Variants in CTNNBL1 observed in about 807,000 individuals in gnomAD.
CTNNBL1 encodes the protein catenin beta like 1.
A neutral mutation model predicts 72.7 loss-of-function variants in CTNNBL1; 31 were observed. The observed-to-expected ratio is 0.43, with a 90% CI of 0.32 to 0.58. CTNNBL1 has a LOEUF of 0.58. Ranked by LOEUF, CTNNBL1 falls within the 20% of genes least tolerant of loss-of-function variation. The probability of loss-of-function intolerance (pLI) is 0.08; values close to 1 mark genes in which losing one functional copy is unlikely to be tolerated. For synonymous variants in CTNNBL1, 240 were observed against 267.3 expected (o/e 0.90, Z 1.00); for missense variants, 534 against 725.1 (o/e 0.74, Z 3.03).
In CTNNBL1 at chr20:37,730,544, G is replaced by T. The variant is rs6126002; in HGVS notation, c.31-2335G>T. Among the ~76,000 whole-genome samples the T allele has an allele frequency of 2.8e-3, 430 of 152,312 alleles. 5 individuals are homozygous for T. Among genetic ancestry groups the T allele is most frequent in the East Asian group, 0.017 (89 of 5,182 alleles). On this transcript the variant is annotated intron_variant, in intron 1 of 15. Transcript: ENST00000361383. ...CAAAGTTGAACCAGGAGTAAGTTGA[G>T]CTGAATGGAGACACTGGGCTGTTTG... is the stretch of plus-strand genomic sequence containing the variant.
intron 4 of CTNNBL1, among the ~76,000 whole-genome samples, chr20:37,752,073 G>C (rs562503823): frequency 6.6e-6 from 1 of 152,294 alleles, no homozygotes; most frequent in South Asian, 2.1e-4. Context: ...GAAACAAACA[G>C]ACAAACACAC....
chr20:37,775,718 G>C (rs965214782), intron 7 of CTNNBL1, among the ~76,000 whole-genome samples: 11 of 152,066 alleles, frequency 7.2e-5, no homozygotes, highest in African/African-American at 2.4e-4. Context: ...CTTCCCTATA[G>C]CAGGTGCCTA....
Position 37,871,964 on chromosome 20 carries a change from TC to T in CTNNBL1, c.1645del (p.Arg549GlyfsTer46). 1 of 1,614,028 alleles carries T rather than the reference TC, an allele frequency of 6.2e-7. No individual in the cohort carries two copies. The highest frequency in any genetic ancestry group is 8.5e-7 in the Non-Finnish European group (1 of 1,179,994). ...ENIGDGRSPE[F>X]RENEQKRILG... Reference sequence around the variant, plus strand: ...ATCGGGGACGGCCGGAGCCCGGAGTTCCGGGAGAACGAGCAAAAGCGCATCC... The same window carrying T: ...ATCGGGGACGGCCGGAGCCCGGAGTTCGGGAGAACGAGCAAAAGCGCATCC... On this transcript the variant is annotated frameshift_variant, in exon 16 of 16. Coordinates refer to ENST00000361383, the MANE Select transcript of CTNNBL1 (RefSeq NM_030877.5). LOFTEE classifies it high-confidence loss of function.
At chr20:37,713,781 TAAAA>T (rs1397912267) in intron 1 of CTNNBL1, among the ~76,000 whole-genome samples, 1 of 152,072 alleles carries the variant, frequency 6.6e-6, no homozygotes, top group Non-Finnish European at 1.5e-5. Flanking sequence ...TTTAATGAAA[TAAAA>T]GAATATACGT....
chr20:37,865,110 G>C (rs758418660), intron 15 of CTNNBL1, among the ~76,000 whole-genome samples: 1 of 152,140 alleles, frequency 6.6e-6, no homozygotes, highest in African/African-American at 2.4e-5. Context: ...GCTTTTAGGA[G>C]AGAAGAAAAA....
At chr20:37,713,807 C>G (rs2122563242) in intron 1 of CTNNBL1, among the ~76,000 whole-genome samples, 1 of 152,232 alleles carries the variant, frequency 6.6e-6, no homozygotes, top group African/African-American at 2.4e-5. Flanking sequence ...TTCTCCTTCC[C>G]ATGAAACCAA....
At chr20:37,854,832 G>A (rs1474152534) in intron 13 of CTNNBL1, among the ~76,000 whole-genome samples, 6 of 151,736 alleles carry the variant, frequency 4.0e-5, no homozygotes, top group South Asian at 2.1e-4. Flanking sequence ...CAAGTGATTC[G>A]CCCACCTCAG....
chr20:37,741,372 G>A (rs2073214590), intron 3 of CTNNBL1, among the ~76,000 whole-genome samples: 1 of 152,182 alleles, frequency 6.6e-6, no homozygotes, highest in African/African-American at 2.4e-5. Context: ...GATTCATTGA[G>A]TACTTGTATG....
chr20:37,786,506 A>G (rs2073675309), intron 10 of CTNNBL1, among the ~76,000 whole-genome samples: 1 of 152,100 alleles, frequency 6.6e-6, no homozygotes, highest in Non-Finnish European at 1.5e-5. Flanking sequence ...TTTTTTAGAG[A>G]ACCAACTCTT....
chr20:37,790,468 T>G (rs1185104368), intron 10 of CTNNBL1, among the ~76,000 whole-genome samples: 3 of 152,244 alleles, frequency 2.0e-5, no homozygotes, highest in African/African-American at 7.2e-5. Flanking sequence ...TGTTCCAAGC[T>G]GCACATGCAG....
intron 11 of CTNNBL1, among the ~76,000 whole-genome samples, chr20:37,838,281 A>G (rs1252223408): frequency 7.9e-5 from 12 of 152,176 alleles, no homozygotes; most frequent in Non-Finnish European, 5.9e-5. Flanking sequence ...GATTAGGCCA[A>G]AGGGGACAAG....
intron 10 of CTNNBL1, among the ~76,000 whole-genome samples, chr20:37,796,284 G>A (rs1042705044): frequency 3.9e-5 from 6 of 152,042 alleles, no homozygotes; most frequent in Non-Finnish European, 7.4e-5. Flanking sequence ...GCAGATCTCC[G>A]TGCAGCTCTC....
chr20:37,775,257 A>G (rs980433955), intron 7 of CTNNBL1, among the ~76,000 whole-genome samples: 2 of 152,224 alleles, frequency 1.3e-5, no homozygotes, highest in African/African-American at 4.8e-5. Flanking sequence ...GCCTTTTGGT[A>G]CTGCTCAAAT....
chr20:37,732,984 A>G lies in CTNNBL1; in HGVS notation c.136A>G (p.Met46Val), dbSNP rs762038907. ...RERGRYREEE[M>V]TVVEEADDDK... ...ACGCGGCCGCTATCGGGAAGAAGAA[A>G]TGACTGTGGTGGAGGAAGCGGATGA... is the stretch of plus-strand genomic sequence containing the variant. The change falls in exon 2 of 16, where the codon ATG becomes GTG. Residue 46 changes from methionine to valine, a missense_variant. Met to Val is a conservative substitution (Grantham distance 21). Coordinates refer to ENST00000361383, the MANE Select transcript of CTNNBL1 (RefSeq NM_030877.5). 20 of 1,613,946 alleles carry G rather than the reference A, an allele frequency of 1.2e-5. No individual in the cohort carries two copies. The South Asian group carries it at 1.9e-4, about 15-fold the overall frequency.
At chr20:37,797,034 C>A (rs2073781680) in intron 10 of CTNNBL1, among the ~76,000 whole-genome samples, 2 of 152,158 alleles carry the variant, frequency 1.3e-5, no homozygotes, top group Admixed American at 1.3e-4. Flanking sequence ...TGGTGCACAT[C>A]TCTTCCTATC....
intron 7 of CTNNBL1, 47 bp from the exon 8 acceptor site, chr20:37,777,298 A>G: frequency 2.0e-6 from 3 of 1,479,932 alleles, no homozygotes; most frequent in Non-Finnish European, 2.8e-6. Context: ...CTGGGGAAGG[A>G]AGCAAGACCC....
intron 7 of CTNNBL1, among the ~76,000 whole-genome samples, chr20:37,772,591 G>A (rs144083575): frequency 7.2e-5 from 11 of 152,178 alleles, no homozygotes; most frequent in African/African-American, 2.2e-4. Context: ...CTTGTGATCC[G>A]CCCGCCTTGG....
chr20:37,762,968 C>T (rs553477952), intron 5 of CTNNBL1, among the ~76,000 whole-genome samples: 1 of 152,300 alleles, frequency 6.6e-6, no homozygotes, highest in South Asian at 2.1e-4. Flanking sequence ...TGCTCACTGA[C>T]AGTGTCCCCA....
intron 1 of CTNNBL1, among the ~76,000 whole-genome samples, chr20:37,698,091 T>G (rs1281074383): frequency 6.6e-6 from 1 of 152,238 alleles, no homozygotes; most frequent in Non-Finnish European, 1.5e-5. Flanking sequence ...GATCTTGGCC[T>G]TTACATTTTC....
Sources: allele counts gnomAD v4.1 joint callset (sites outside exome capture counted in the v4.1 genomes callset), GRCh38; gene constraint gnomAD v4.1.1; transcripts MANE v1.5; gene names NCBI Gene and HGNC (gene_info 2026-07-23, HGNC 2026-07-21).